GSDME: variants seen among roughly 807,000 people sequenced by gnomAD.
The protein encoded by GSDME is gasdermin-E.
GSDME carries 44 observed loss-of-function variants against 47.5 expected under a neutral mutation model. The observed-to-expected ratio is 0.93, with a 90% CI of 0.73 to 1.19. The LOEUF is 1.19. GSDME is among the 50% of genes most tolerant of loss of function. GSDME has a pLI of 0.00. For synonymous variants in GSDME, 258 were observed against 252.8 expected (o/e 1.02, Z -0.20); for missense variants, 663 against 604.2 (o/e 1.10, Z -1.02).
chr7:24,779,378 G>A, the GSDME span, among the ~76,000 whole-genome samples: 2 of 152,144 alleles, frequency 1.3e-5, no homozygotes, highest in African/African-American at 2.4e-5. The surrounding 1 kb of genome is among the most constrained non-coding windows in gnomAD (Gnocchi z 6.0). Flanking sequence ...AGAAGTGGGT[G>A]GGTTCCTGAA....
At chr7:24,748,837 C>G (rs77164104) in intron 2 of GSDME, among the ~76,000 whole-genome samples, 1,809 of 152,298 alleles carry the variant, frequency 0.012, 42 homozygotes, top group African/African-American at 0.041. Flanking sequence ...ATCTCCTTAT[C>G]CCCTTCTCTG....
the GSDME span, among the ~76,000 whole-genome samples, chr7:24,793,883 C>G: frequency 2.0e-5 from 3 of 151,104 alleles, no homozygotes; most frequent in Non-Finnish European, 4.4e-5. Flanking sequence ...TTTCTGTTAG[C>G]AAAGCTGTTG....
rs11358953 is a variant in GSDME, at chr7:24,726,805, CAA to C, written c.405-7589_405-7588del. Among the ~76,000 whole-genome samples the C allele has an allele frequency of 3.2e-3, 313 of 96,896 alleles. 2 individuals carry two copies. Among genetic ancestry groups the C allele is most frequent in the Middle Eastern group, 0.03 (5 of 166 alleles). The allele number at this position is 96,896 out of a possible 152,430, so 63.6% of individuals were successfully genotyped here. ...CGGGGGACAGAGCGAGACTCCGTCT[CAA>C]AAAAAAAAAAAAAAAACCAATGGCC... On this transcript the variant is annotated intron_variant, in intron 3 of 9. Transcript: ENST00000645220. The surrounding 1 kb of genome is among the most constrained non-coding windows in gnomAD (Gnocchi z 5.6).
At position 24,742,266 on chromosome 7, in the gene GSDME, A is replaced by C. The variant is rs979616060; in HGVS notation, c.404+2296T>G. Among the ~76,000 whole-genome samples, 1 of 152,206 alleles carries C rather than the reference A, an allele frequency of 6.6e-6. No individual in the cohort carries two copies. Among genetic ancestry groups the C allele is most frequent in the Non-Finnish European group, 1.5e-5 (1 of 68,048 alleles). ...TACATGATTTAGAGGAAAGAACAGG[A>C]GCTTTGGAGCCAGAAAATCCTGAGT... On this transcript the variant is annotated intron_variant, in intron 3 of 9. Transcript: ENST00000645220. The surrounding 1 kb of genome is among the most constrained non-coding windows in gnomAD (Gnocchi z 4.4).
At chr7:24,741,077 A>G (rs571322273) in intron 3 of GSDME, among the ~76,000 whole-genome samples, 1 of 152,270 alleles carries the variant, frequency 6.6e-6, no homozygotes, top group African/African-American at 2.4e-5. Flanking sequence ...TAGTCCAACT[A>G]TCTCACCTAC....
chr7:24,770,191 C>T, the GSDME span, among the ~76,000 whole-genome samples: 2 of 152,326 alleles, frequency 1.3e-5, no homozygotes, highest in South Asian at 4.1e-4. This position sits in a 1 kb window ranked among gnomAD's most constrained non-coding sequence, Gnocchi z 4.6. Flanking sequence ...TCAACCATGC[C>T]TACATCATGG....
intron 3 of GSDME, among the ~76,000 whole-genome samples, chr7:24,740,032 G>A (rs1035983543): frequency 7.9e-5 from 12 of 151,666 alleles, no homozygotes; most frequent in African/African-American, 2.7e-4. Context: ...GGCGGAGGTT[G>A]CAGTGAGCCA....
chr7:24,713,582 T>C (rs559594917), intron 5 of GSDME, among the ~76,000 whole-genome samples: 17 of 152,264 alleles, frequency 1.1e-4, no homozygotes, highest in African/African-American at 2.9e-4. Context: ...GGGTGTGCCA[T>C]GCCCCAGACC....
intron 3 of GSDME, among the ~76,000 whole-genome samples, chr7:24,720,918 A>G (rs1310867003): frequency 6.6e-6 from 1 of 152,232 alleles, no homozygotes; most frequent in East Asian, 1.9e-4. Context: ...AAAAAAAAAA[A>G]AAAAGAAGTG....
rs181666982 is a variant in GSDME, at chr7:24,722,461, C to T, written c.405-3243G>A. ...TCAACTGTTCCCTTTCCAATGGTCT[C>T]TTCCTTCTATTGCTCAAAATTCTAG... is the stretch of plus-strand genomic sequence containing the variant. On this transcript the variant is annotated intron_variant, in intron 3 of 9. Coordinates refer to ENST00000645220, the MANE Select transcript of GSDME (RefSeq NM_001127453.2). 9.1e-4 allele frequency among the ~76,000 whole-genome samples: 138 copies of T among 152,336 alleles called. 1 individual carries two copies. Among genetic ancestry groups the T allele is most frequent in the Admixed American group, 2.4e-3 (36 of 15,302 alleles).
intron 3 of GSDME, among the ~76,000 whole-genome samples, chr7:24,731,193 T>G (rs1429677072): frequency 2.0e-5 from 3 of 152,202 alleles, no homozygotes; most frequent in African/African-American, 4.8e-5. Context: ...CATGAAGGTC[T>G]TACTGACATT....
At chr7:24,772,845 C>T in the GSDME span, among the ~76,000 whole-genome samples, 18 of 152,220 alleles carry the variant, frequency 1.2e-4, no homozygotes, top group East Asian at 9.6e-4. This position sits in a 1 kb window ranked among gnomAD's most constrained non-coding sequence, Gnocchi z 4.5. Flanking sequence ...TTCCTCTGTG[C>T]GCTAATATAT....
In GSDME at chr7:24,714,714, A is replaced by C. The variant is rs556491394; in HGVS notation, c.697+2540T>G. 1.2e-4 allele frequency among the ~76,000 whole-genome samples: 18 copies of C among 152,352 alleles called. No homozygotes were observed. The highest frequency in any genetic ancestry group is 2.6e-4 in the Non-Finnish European group (18 of 68,028). On this transcript the variant is annotated intron_variant, in intron 5 of 9. Coordinates refer to ENST00000645220, the MANE Select transcript of GSDME (RefSeq NM_001127453.2). This position sits in a 1 kb window ranked among gnomAD's most constrained non-coding sequence, Gnocchi z 5.0. The stretch of plus-strand genomic sequence containing the variant: ...CCAGAACAAGGCTGTGTGTCTTTCA[A>C]ACCCCATCTGAGAAAGAGAGGCTAC...
rs1283682762 is a variant in GSDME at position 24,732,904 on chromosome 7, G to T, written c.404+11658C>A. 2.6e-5 allele frequency among the ~76,000 whole-genome samples: 4 copies of T among 152,158 alleles called. No homozygotes were observed. In the South Asian group the frequency reaches 6.2e-4, roughly 24 times the overall value. On this transcript the variant is annotated intron_variant, in intron 3 of 9. Transcript: ENST00000645220. The surrounding 1 kb of genome is among the most constrained non-coding windows in gnomAD (Gnocchi z 4.8). ...TGCTGGGCTCAGAGCCAGTGGATTT[G>T]GGGGGTGGGTACACAACCTACTGAG... is the stretch of plus-strand genomic sequence containing the variant.
chr7:24,703,504 AAC>A (rs1266527476), intron 8 of GSDME: 1 of 157,990 alleles, frequency 6.3e-6, no homozygotes, highest in African/African-American at 2.4e-5. Context: ...TCCCAGGGAA[AAC>A]ACAGATACAG....
intron 9 of GSDME, among the ~76,000 whole-genome samples, chr7:24,702,041 G>T (rs1435885466): frequency 6.6e-6 from 1 of 152,194 alleles, no homozygotes; most frequent in East Asian, 1.9e-4. Flanking sequence ...TTGGACTTTA[G>T]TAATTAGGCC....
chr7:24,794,141 C>A, the GSDME span, among the ~76,000 whole-genome samples: 2 of 150,514 alleles, frequency 1.3e-5, no homozygotes, highest in South Asian at 4.2e-4. Context: ...ACTTGTATAT[C>A]TCTCTCTTTC....
At chr7:24,717,492 C>A (rs1224152931) in intron 4 of GSDME, 118 bp from the exon 5 acceptor site, 8 of 1,492,572 alleles carry the variant, frequency 5.4e-6, no homozygotes, top group Non-Finnish European at 7.3e-6. Context: ...GTCCACAGAA[C>A]CGAGTGGAAC....
At chr7:24,729,055 C>T (rs754176433) in intron 3 of GSDME, among the ~76,000 whole-genome samples, 9 of 152,198 alleles carry the variant, frequency 5.9e-5, no homozygotes, top group South Asian at 2.1e-4. Context: ...TACTCACATA[C>T]GACGACCCCT....
Sources: gnomAD v4.1 joint callset for allele counts (sites outside exome capture counted in the v4.1 genomes callset) on GRCh38, gnomAD v4.1.1 for gene constraint, Gnocchi (gnomAD v3.1) non-coding constraint, MANE v1.5 for transcripts, NCBI Gene and HGNC (gene_info 2026-07-23, HGNC 2026-07-21) for gene names.